Variants in EBF3 observed in about 807,000 individuals in gnomAD.
EBF3 encodes the protein transcription factor COE3.
EBF3 carries 18 observed loss-of-function variants against 77.1 expected under a neutral mutation model. The ratio of observed to expected loss-of-function variants is 0.23; its 90% confidence interval spans 0.16 to 0.35. The LOEUF (loss-of-function observed/expected upper bound fraction) is 0.35, where lower values mean the gene tolerates loss of function less well. Ranked by LOEUF, EBF3 falls within the 10% of genes least tolerant of loss-of-function variation. The pLI, the probability that EBF3 is intolerant of heterozygous loss-of-function variation, is 1.00. For synonymous variants in EBF3, 350 were observed against 343.5 expected (o/e 1.02, Z -0.21); for missense variants, 558 against 860.0 (o/e 0.65, Z 4.39).
chr10:129,886,453 G>A (rs11599715), intron 6 of EBF3, among the ~76,000 whole-genome samples: 47,961 of 152,086 alleles, frequency 0.32, 8,543 homozygotes, highest in Middle Eastern at 0.43. Flanking sequence ...TCCATTACTC[G>A]GAACAGCACC....
intron 6 of EBF3, among the ~76,000 whole-genome samples, chr10:129,883,087 T>C (rs1201600196): frequency 6.6e-6 from 1 of 152,230 alleles, no homozygotes; most frequent in Non-Finnish European, 1.5e-5. Flanking sequence ...ATTACCTACT[T>C]CTCAGCATCT....
chr10:129,932,672 T>C (rs769808120), intron 6 of EBF3, among the ~76,000 whole-genome samples: 1 of 152,160 alleles, frequency 6.6e-6, no homozygotes, highest in Non-Finnish European at 1.5e-5. Context: ...TTTTTTTTCC[T>C]GCACATTTTG....
Position 129,863,846 on chromosome 10 carries a change from T to TTGAAATGGA in EBF3, c.1039+3286_1039+3294dup, listed in dbSNP as rs1851807942. On this transcript the variant is annotated intron_variant, in intron 10 of 16. Coordinates refer to ENST00000440978, the MANE Select transcript of EBF3 (RefSeq NM_001375380.1). This position sits in a 1 kb window ranked among gnomAD's most constrained non-coding sequence, Gnocchi z 4.0. The stretch of plus-strand genomic sequence containing the variant: ...AGAGCCTGTATCCCTTACATCACCT[T>TTGAAATGGA]TGAAATGGATATTCCTGTTAATGAC... 6.6e-6 allele frequency among the ~76,000 whole-genome samples: 1 copy of TTGAAATGGA among 152,178 alleles called. No individual in the cohort carries two copies. Among genetic ancestry groups the TTGAAATGGA allele is most frequent in the Admixed American group, 6.5e-5 (1 of 15,282 alleles).
intron 6 of EBF3, among the ~76,000 whole-genome samples, chr10:129,895,373 C>T (rs564756520): frequency 2.6e-5 from 4 of 152,294 alleles, no homozygotes; most frequent in South Asian, 4.2e-4. Context: ...GTATGCCTCC[C>T]GGCACCGAAT....
At chr10:129,868,252 C>A (rs1449284438) in intron 8 of EBF3, among the ~76,000 whole-genome samples, 3 of 152,212 alleles carry the variant, frequency 2.0e-5, no homozygotes, top group African/African-American at 7.2e-5. Flanking sequence ...CAGATCTAAG[C>A]AGAGTCAATC....
chr10:129,877,882 G>A (rs746332650), intron 6 of EBF3, 33 bp from the exon 7 acceptor site: 1 of 1,552,234 alleles, frequency 6.4e-7, no homozygotes, highest in South Asian at 1.1e-5. Flanking sequence ...ATATTTATTA[G>A]GGTTATCAGA....
At chr10:129,953,841 G>C (rs889234251) in intron 6 of EBF3, among the ~76,000 whole-genome samples, 2 of 152,206 alleles carry the variant, frequency 1.3e-5, no homozygotes, top group African/African-American at 4.8e-5. Context: ...GGGATGGCAC[G>C]AGCAAGTGAT....
chr10:129,961,344 G>A (rs1042581874), intron 4 of EBF3, among the ~76,000 whole-genome samples: 3 of 152,136 alleles, frequency 2.0e-5, no homozygotes, highest in Admixed American at 6.6e-5. Flanking sequence ...AATGGGGGCG[G>A]GGGGAAATCT....
chr10:129,894,535 C>T (rs558661752), intron 6 of EBF3, among the ~76,000 whole-genome samples: 2 of 152,162 alleles, frequency 1.3e-5, no homozygotes, highest in African/African-American at 2.4e-5. Flanking sequence ...CTCTGGGCCC[C>T]GCCTCTGTGC....
chr10:129,865,061 G>A (rs1237237000), intron 10 of EBF3, among the ~76,000 whole-genome samples: 4 of 152,180 alleles, frequency 2.6e-5, no homozygotes, highest in Non-Finnish European at 4.4e-5. Flanking sequence ...TTTGCACGGG[G>A]CCTACAGCCT....
At chr10:129,881,173 C>A (rs1023623401) in intron 6 of EBF3, among the ~76,000 whole-genome samples, 3 of 152,152 alleles carry the variant, frequency 2.0e-5, no homozygotes. Flanking sequence ...TTGGCTTTAG[C>A]ACCAATAAAC....
chr10:129,907,838 G>A (rs1414090021), intron 6 of EBF3, among the ~76,000 whole-genome samples: 1 of 152,168 alleles, frequency 6.6e-6, no homozygotes, highest in Non-Finnish European at 1.5e-5. Context: ...TCTCCTGGTT[G>A]AGACTAATAT....
chr10:129,856,694 A>G (rs1200148098), intron 10 of EBF3, among the ~76,000 whole-genome samples: 1 of 152,216 alleles, frequency 6.6e-6, no homozygotes, highest in Non-Finnish European at 1.5e-5. Flanking sequence ...GGAAGGAGGA[A>G]TGGGGCAACA....
intron 6 of EBF3, among the ~76,000 whole-genome samples, chr10:129,929,492 C>A (rs1277819409): frequency 6.6e-6 from 1 of 152,218 alleles, no homozygotes; most frequent in Non-Finnish European, 1.5e-5. Flanking sequence ...AGACGTGAGC[C>A]ACCATGCCCG....
At chr10:129,899,316 G>T (rs2134236588) in intron 6 of EBF3, among the ~76,000 whole-genome samples, 1 of 152,300 alleles carries the variant, frequency 6.6e-6, no homozygotes, top group South Asian at 2.1e-4. Flanking sequence ...CAATCCGCTG[G>T]CATTTCTTGA....
At chr10:129,880,838 A>C (rs1853155098) in intron 6 of EBF3, among the ~76,000 whole-genome samples, 1 of 152,124 alleles carries the variant, frequency 6.6e-6, no homozygotes. Context: ...GATTCAATTA[A>C]GCCTTTGCAA....
In EBF3 at chr10:129,873,472, G is replaced by T. The variant is rs1211337722; in HGVS notation, c.761C>A (p.Ala254Asp). The T allele has an allele frequency of 6.4e-7, 1 of 1,572,224 alleles. No individual in the cohort carries two copies. Among genetic ancestry groups the T allele is most frequent in the African/African-American group, 1.4e-5 (1 of 73,198 alleles). Residue 254 changes from alanine (A) to aspartate (D), a missense_variant, in exon 8 of 17, where the codon GCC becomes GAC. By Grantham distance (126) the Ala-to-Asp change is moderately radical (BLOSUM62 -2). This residue lies in a region of EBF3 where 112 missense variants were observed against 207.7 expected (regional missense o/e 0.54). Transcript: ENST00000440978. ...CCTACCATTTTCCAGATAAGAAGGGGCCGTACCTTCTGACGGGTCTAGGCG... is the reference window on the plus strand; with the variant it reads ...CCTACCATTTTCCAGATAAGAAGGGTCCGTACCTTCTGACGGGTCTAGGCG... ...ARRLDPSEGT[A>D]PSYLENATPC...
At chr10:129,878,902 T>A (rs1173609511) in intron 6 of EBF3, among the ~76,000 whole-genome samples, 2 of 148,348 alleles carry the variant, frequency 1.3e-5, no homozygotes, top group Non-Finnish European at 3.0e-5. Flanking sequence ...GAGGCGGTAA[T>A]GAAACTGTTG....
chr10:129,963,775 T>G lies in EBF3; in HGVS notation c.-7A>C. ...TCTCCTGAATCCCAAACATGAAAAC[T>G]GCTGGCGGCGGCCGCAGCTCCCGGC... On this transcript the variant is annotated 5_prime_UTR_variant, in exon 1 of 17. Transcript: ENST00000440978. The surrounding 1 kb of genome is among the most constrained non-coding windows in gnomAD (Gnocchi z 7.1). 1.3e-6 allele frequency: 2 copies of G among 1,504,592 alleles called. No individual in the cohort carries two copies. Among genetic ancestry groups the G allele is most frequent in the Non-Finnish European group, 1.8e-6 (2 of 1,117,064 alleles). The allele number at this position is 1,504,592 out of a possible 1,614,324, so 93.2% of individuals were successfully genotyped here.
Sources: gnomAD v4.1 joint callset for allele counts (sites outside exome capture counted in the v4.1 genomes callset) on GRCh38, gnomAD v4.1.1 for gene constraint, gnomAD v4.1.1 regional missense constraint, Gnocchi (gnomAD v3.1) non-coding constraint, MANE v1.5 for transcripts, NCBI Gene and HGNC (gene_info 2026-07-23, HGNC 2026-07-21) for gene names.